HSPA5: variants seen among roughly 807,000 people sequenced by gnomAD.
The protein encoded by HSPA5 is heat shock protein family A (Hsp70) member 5, also known as endoplasmic reticulum chaperone BiP.
Under a neutral mutation model 49.5 loss-of-function variants are expected in HSPA5, and 16 were observed. That is an observed-to-expected ratio of 0.32 (90% CI 0.22 to 0.49). The LOEUF (loss-of-function observed/expected upper bound fraction) is 0.49, where lower values mean the gene tolerates loss of function less well. Among genes scored for constraint, HSPA5 ranks in the 20% least tolerant of loss-of-function variants. The probability of loss-of-function intolerance (pLI) is 0.99; values close to 1 mark genes in which losing one functional copy is unlikely to be tolerated. For missense variants in HSPA5, 376 were observed against 819.0 expected, an observed-to-expected ratio of 0.46 and a Z score of 6.60; for synonymous variants, 271 against 307.2, an observed-to-expected ratio of 0.88 and a Z score of 1.23.
chr9:125,240,508 G>A lies in HSPA5; in HGVS notation c.354+168C>T, dbSNP rs1832550449. Among the ~76,000 whole-genome samples, 1 of 152,178 alleles carries A rather than the reference G, an allele frequency of 6.6e-6. No individual in the cohort carries two copies. Among genetic ancestry groups the A allele is most frequent in the Non-Finnish European group, 1.5e-5 (1 of 68,036 alleles). ...ATTCCTAAACTATCGTAGACAGTAC[G>A]ACAGCAACTGTCTTAAGTTTTGTAA... is the stretch of plus-strand genomic sequence containing the variant. On this transcript the variant is annotated intron_variant, in intron 2 of 7. Transcript: ENST00000324460. The surrounding 1 kb of genome is among the most constrained non-coding windows in gnomAD (Gnocchi z 4.4).
At chr9:125,237,294 G>A (rs1832510399) in intron 7 of HSPA5, 140 bp from the exon 8 acceptor site, 5 of 632,990 alleles carry the variant, frequency 7.9e-6, no homozygotes, top group Non-Finnish European at 1.1e-5. Context: ...GGTCTACAAG[G>A]AGCAGCAACT....
Position 125,238,135 on chromosome 9 carries a change from A to T in HSPA5, c.1402+6T>A, listed in dbSNP as rs747742046. 2 of 1,609,640 alleles carry T rather than the reference A, an allele frequency of 1.2e-6. No homozygotes were observed. The highest frequency in any genetic ancestry group is 2.2e-5 in the East Asian group (1 of 44,894). On this transcript the variant is annotated splice_donor_region_variant and intron_variant, in intron 7 of 7. Coordinates refer to ENST00000324460, the MANE Select transcript of HSPA5 (RefSeq NM_005347.5). ...AGCCATGATATTAACAAACTTAAGT[A>T]ATTACCTTCATAGACCTTGATTGTA...
At position 125,241,134 on chromosome 9, in the gene HSPA5, G is replaced by C. The variant is rs766857847; in HGVS notation, c.-8C>G. On this transcript the variant is annotated 5_prime_UTR_variant, in exon 1 of 8. Coordinates refer to ENST00000324460, the MANE Select transcript of HSPA5 (RefSeq NM_005347.5). ...CACCAGGGAGAGCTTCATCTTGCCA[G>C]CCAGTTGGGCAGCAGCAGGCAGTCC... is the stretch of plus-strand genomic sequence containing the variant. 3 of 1,609,442 alleles carry C rather than the reference G, an allele frequency of 1.9e-6. No individual in the cohort carries two copies. The South Asian group carries it at 3.3e-5, about 18-fold the overall frequency.
Position 125,240,068 on chromosome 9 carries a change from C to G in HSPA5, c.492+104G>C, listed in dbSNP as rs1232279670. 1 of 796,948 alleles carries G rather than the reference C, an allele frequency of 1.3e-6. No individual in the cohort carries two copies. Among genetic ancestry groups the G allele is most frequent in the African/African-American group, 1.7e-5 (1 of 57,920 alleles). 49.4% of individuals were successfully genotyped at this position (796,948 alleles called of 1,614,324 possible). ...AAACCTGACAAGCATGAATACCATTCTGATTAAAATTTTTGAAACCCTTCA... is the reference window on the plus strand; with the variant it reads ...AAACCTGACAAGCATGAATACCATTGTGATTAAAATTTTTGAAACCCTTCA... On this transcript the variant is annotated intron_variant, in intron 3 of 7. Transcript: ENST00000324460. The surrounding 1 kb of genome is among the most constrained non-coding windows in gnomAD (Gnocchi z 4.4).
Position 125,240,946 on chromosome 9 carries a change from C to T in HSPA5, c.123-39G>A, listed in dbSNP as rs375910164. The T allele has an allele frequency of 1.8e-5, 29 of 1,611,810 alleles. No homozygotes were observed. In the African/African-American group the frequency reaches 2.1e-4, roughly 12 times the overall value. ...CCGACAGAGGGACATCAGCACCGCA[C>T]TTCTCACGCCAGGCCAGGCGGCCAC... On this transcript the variant is annotated intron_variant, in intron 1 of 7. Transcript: ENST00000324460. The surrounding 1 kb of genome is among the most constrained non-coding windows in gnomAD (Gnocchi z 4.4).
Position 125,236,937 on chromosome 9 carries a change from C to G in HSPA5, c.1620G>C (p.Arg540Ser), listed in dbSNP as rs191957514. The change falls in exon 8 of 8, where the codon AGG becomes AGC. Residue 540 changes from arginine to serine, a missense_variant. This residue lies in a region of HSPA5 where 71 missense variants were observed against 169.9 expected (regional missense o/e 0.42). Coordinates refer to ENST00000324460, the MANE Select transcript of HSPA5 (RefSeq NM_005347.5). ...QNRLTPEEIE[R>S]MVNDAEKFAE... The stretch of plus-strand genomic sequence containing the variant: ...CAAACTTCTCAGCATCATTAACCAT[C>G]CTTTCGATTTCTTCAGGTGTCAGGC... The G allele has an allele frequency of 6.2e-7, 1 of 1,613,866 alleles. No homozygotes were observed. Among genetic ancestry groups the G allele is most frequent in the Non-Finnish European group, 8.5e-7 (1 of 1,179,880 alleles).
rs1832561197 is a variant in HSPA5, at chr9:125,241,183, C to T, written c.-57G>A. The T allele has an allele frequency of 1.3e-6, 2 of 1,555,478 alleles. No individual in the cohort carries two copies. Among genetic ancestry groups the T allele is most frequent in the Non-Finnish European group, 8.7e-7 (1 of 1,153,796 alleles). ...CCAGCCACAGGCCGTAGCACAGGAG[C>T]ACAGCGCAATTTCCGACTTGCAGGC... On this transcript the variant is annotated 5_prime_UTR_variant, in exon 1 of 8. Transcript: ENST00000324460.
In HSPA5 at chr9:125,236,997, G is replaced by A. The variant is rs1832507269; in HGVS notation, c.1560C>T (p.Asn520=). ...RVTAEDKGTG[N]KNKITITNDQ... ...CATTGGTGATTGTGATCTTATTTTT[G>A]TTCCCTGTACCCTTGTCTTCAGCTG... Residue 520 remains asparagine, a synonymous_variant, in exon 8 of 8, where the codon AAC becomes AAT. Transcript: ENST00000324460. 2 of 1,613,762 alleles carry A rather than the reference G, an allele frequency of 1.2e-6. No individual in the cohort carries two copies. The highest frequency in any genetic ancestry group is 1.3e-5 in the African/African-American group (1 of 74,896).
At chr9:125,237,974 C>T (rs1189560962) in intron 7 of HSPA5, among the ~76,000 whole-genome samples, 167 bp downstream of exon 7, 4 of 151,992 alleles carry the variant, frequency 2.6e-5, no homozygotes, top group Non-Finnish European at 4.4e-5. Flanking sequence ...TGGTGGTCCA[C>T]GCCTGTAATC....
chr9:125,235,537 C>G lies in HSPA5; in HGVS notation c.*1055G>C, dbSNP rs1419411620. On this transcript the variant is annotated 3_prime_UTR_variant, in exon 8 of 8. Transcript: ENST00000324460. ...ATTGATCATACCATTTACCTGGACTCTTTTCTTCAGGAACACAATCTAAGT... is the reference window on the plus strand; with the variant it reads ...ATTGATCATACCATTTACCTGGACTGTTTTCTTCAGGAACACAATCTAAGT... 2 of 152,046 alleles carry G rather than the reference C, an allele frequency of 1.3e-5. No homozygotes were observed. Among genetic ancestry groups the G allele is most frequent in the Admixed American group, 1.3e-4 (2 of 15,228 alleles). The allele number at this position is 152,046 out of a possible 1,614,324, so 9.4% of individuals were successfully genotyped here. A position where few individuals can be genotyped will look rare whatever the true frequency, so the allele number is the denominator to read the frequency against.
In HSPA5 at chr9:125,240,497, G is replaced by A. The variant is rs1832550245; in HGVS notation, c.354+179C>T. Among the ~76,000 whole-genome samples the A allele has an allele frequency of 6.6e-6, 1 of 152,266 alleles. No homozygotes were observed. The highest frequency in any genetic ancestry group is 2.4e-5 in the African/African-American group (1 of 41,550). ...ATCGGTCTTTTATTCCTAAACTATCGTAGACAGTACGACAGCAACTGTCTT... is the reference window on the plus strand; with the variant it reads ...ATCGGTCTTTTATTCCTAAACTATCATAGACAGTACGACAGCAACTGTCTT... On this transcript the variant is annotated intron_variant, in intron 2 of 7. Transcript: ENST00000324460. The surrounding 1 kb of genome is among the most constrained non-coding windows in gnomAD (Gnocchi z 4.4).
rs1832544173 is a variant in HSPA5, at chr9:125,239,992, A to C, written c.492+180T>G. On this transcript the variant is annotated intron_variant, in intron 3 of 7. Transcript: ENST00000324460. The surrounding 1 kb of genome is among the most constrained non-coding windows in gnomAD (Gnocchi z 5.5). ...GTCCCTGGAATTGTAAGCATTAAAT[A>C]ATACATGAAAAGTCTATTTTGTTTG... Among the ~76,000 whole-genome samples, 1 of 152,234 alleles carries C rather than the reference A, an allele frequency of 6.6e-6. No homozygotes were observed. Among genetic ancestry groups the C allele is most frequent in the Non-Finnish European group, 1.5e-5 (1 of 68,042 alleles).
rs956985468 is a variant in HSPA5 at position 125,236,352 on chromosome 9, C to G, written c.*240G>C. On this transcript the variant is annotated 3_prime_UTR_variant, in exon 8 of 8. Coordinates refer to ENST00000324460, the MANE Select transcript of HSPA5 (RefSeq NM_005347.5). Reference sequence around the variant, plus strand: ...GAACATTTTGAAGGTGAACACACACCCTAACCCAGGTTTTTTACCCGCTTT... The same window carrying G: ...GAACATTTTGAAGGTGAACACACACGCTAACCCAGGTTTTTTACCCGCTTT... The G allele has an allele frequency of 6.4e-6, 3 of 471,246 alleles. No homozygotes were observed. Among genetic ancestry groups the G allele is most frequent in the Non-Finnish European group, 1.1e-5 (3 of 268,742 alleles). 29.2% of individuals were successfully genotyped at this position (471,246 alleles called of 1,614,324 possible).
chr9:125,237,817 A>C (rs1832516715), intron 7 of HSPA5, among the ~76,000 whole-genome samples: 1 of 152,162 alleles, frequency 6.6e-6, no homozygotes, highest in Admixed American at 6.6e-5. Flanking sequence ...GCCATGATAG[A>C]TAGATCTGGC....
rs1287027335 is a variant in HSPA5, at chr9:125,237,009, C to T, written c.1548G>A (p.Lys516=). 1 of 1,613,930 alleles carries T rather than the reference C, an allele frequency of 6.2e-7. No individual in the cohort carries two copies. The highest frequency in any genetic ancestry group is 1.7e-5 in the Admixed American group (1 of 60,004). Residue 516 remains lysine (K), a synonymous_variant, in exon 8 of 8, where the codon AAG becomes AAA. Transcript: ENST00000324460. ...TGATCTTATTTTTGTTCCCTGTACC[C>T]TTGTCTTCAGCTGTCACTCGAAGAA... The part of the protein sequence containing the change: ...NGILRVTAED[K]GTGNKNKITI...
At position 125,236,588 on chromosome 9, in the gene HSPA5, G is replaced by A; in HGVS notation, c.*4C>T. 6.4e-7 allele frequency: 1 copy of A among 1,561,856 alleles called. No individual in the cohort carries two copies. Among genetic ancestry groups the A allele is most frequent in the Non-Finnish European group, 8.7e-7 (1 of 1,155,428 alleles). On this transcript the variant is annotated 3_prime_UTR_variant, in exon 8 of 8. Coordinates refer to ENST00000324460, the MANE Select transcript of HSPA5 (RefSeq NM_005347.5). Reference sequence around the variant, plus strand: ...ACAATATTACAGCACTAGCAGATCAGTGTCTACAACTCATCTTTTTCTGCT... The same window carrying A: ...ACAATATTACAGCACTAGCAGATCAATGTCTACAACTCATCTTTTTCTGCT...
chr9:125,236,453 C>A lies in HSPA5; in HGVS notation c.*139G>T. On this transcript the variant is annotated 3_prime_UTR_variant, in exon 8 of 8. Transcript: ENST00000324460. ...CTGCTAATGAAAAGCAGTAAACAGC[C>A]GCTTAGGCTATAGCAGTTTCAACTC... The A allele has an allele frequency of 1.7e-6, 1 of 585,170 alleles. No individual in the cohort carries two copies. Among genetic ancestry groups the A allele is most frequent in the East Asian group, 3.0e-5 (1 of 32,818 alleles). The allele number at this position is 585,170 out of a possible 1,614,324, so 36.2% of individuals were successfully genotyped here.
In HSPA5 at chr9:125,240,150, A is replaced by C. The variant is rs1451093813; in HGVS notation, c.492+22T>G. The C allele has an allele frequency of 6.3e-7, 1 of 1,575,970 alleles. No homozygotes were observed. The stretch of plus-strand genomic sequence containing the variant: ...AATACTAATGATCAAAAAATACTTA[A>C]CATTGTTCTAGAAATATTTACCTTC... On this transcript the variant is annotated intron_variant, in intron 3 of 7. Coordinates refer to ENST00000324460, the MANE Select transcript of HSPA5 (RefSeq NM_005347.5). This position sits in a 1 kb window ranked among gnomAD's most constrained non-coding sequence, Gnocchi z 4.4.
chr9:125,236,756 TTTC>T lies in HSPA5; in HGVS notation c.1798_1800del (p.Glu600del). ...TGGTGGCTTTCCAGCCATTCAATCTTTTCTTCTACAGCTTTTTCCATGGTCTCC... is the reference window on the plus strand; with the variant it reads ...TGGTGGCTTTCCAGCCATTCAATCTTTTCTACAGCTTTTTCCATGGTCTCC... On this transcript the variant is annotated inframe_deletion, in exon 8 of 8. Coordinates refer to ENST00000324460, the MANE Select transcript of HSPA5 (RefSeq NM_005347.5). 1 of 1,613,742 alleles carries T rather than the reference TTTC, an allele frequency of 6.2e-7. No individual in the cohort carries two copies. Among genetic ancestry groups the T allele is most frequent in the Non-Finnish European group, 8.5e-7 (1 of 1,179,798 alleles).
Sources: allele counts gnomAD v4.1 joint callset (sites outside exome capture counted in the v4.1 genomes callset), GRCh38; gene constraint gnomAD v4.1.1; regional missense constraint gnomAD v4.1.1; non-coding constraint Gnocchi (gnomAD v3.1); transcripts MANE v1.5; gene names NCBI Gene and HGNC (gene_info 2026-07-23, HGNC 2026-07-21).